AKNA: variants seen among roughly 807,000 people sequenced by gnomAD.
The protein encoded by AKNA is AT-hook transcription factor.
AKNA carries 67 observed loss-of-function variants against 138.8 expected under a neutral mutation model. The observed-to-expected ratio is 0.48, with a 90% CI of 0.40 to 0.59. The LOEUF is 0.59. AKNA is among the 20% of genes least tolerant of loss of function. The pLI is 0.00. For synonymous variants in AKNA, 737 were observed against 754.4 expected (o/e 0.98, Z 0.38); for missense variants, 1,813 against 1,880.4 (o/e 0.96, Z 0.66).
chr9:114,357,931 G>A lies in AKNA; in HGVS notation c.2729C>T (p.Pro910Leu), dbSNP rs1483807851. 6 of 1,597,680 alleles carry A rather than the reference G, an allele frequency of 3.8e-6. No individual in the cohort carries two copies. The highest frequency in any genetic ancestry group is 1.8e-5 in the Admixed American group (1 of 54,524). The change falls in exon 12 of 22, where the codon CCC (proline) becomes CTC (leucine). Residue 910 changes from proline to leucine, a missense_variant. By Grantham distance (98) the Pro-to-Leu change is moderately conservative. Coordinates refer to ENST00000374088, the MANE Select transcript of AKNA (RefSeq NM_001317950.2). ...CATGTGGAGACTTACCTCCAGGTGG[G>A]GCCCACCGCCTCGGTGCAAAGGCTT... Reference protein sequence around the residue: ...PQKPLHRGGGPHLEETWMASP... With the variant: ...PQKPLHRGGGLHLEETWMASP...
chr9:114,366,279 CAAAAAAAA>C (rs35834810), intron 6 of AKNA, among the ~76,000 whole-genome samples: 2 of 127,808 alleles, frequency 1.6e-5, no homozygotes, highest in African/African-American at 6.0e-5. Context: ...GACTCTGTCT[CAAAAAAAA>C]AAAAAAAGAA....
chr9:114,389,715 T>A (rs544484416), upstream of AKNA, among the ~76,000 whole-genome samples: 8 of 152,356 alleles, frequency 5.3e-5, no homozygotes, highest in African/African-American at 1.9e-4. Flanking sequence ...CTCTAAAGGC[T>A]AGATCTTAAT....
intron 4 of AKNA, among the ~76,000 whole-genome samples, chr9:114,373,586 T>A (rs1047437044): frequency 2.6e-5 from 4 of 151,998 alleles, no homozygotes; most frequent in African/African-American, 9.7e-5. Context: ...GAGATTCTCA[T>A]GAAATTCCTG....
chr9:114,347,214 C>CTTTATT (rs1830745452), intron 16 of AKNA, among the ~76,000 whole-genome samples: 1 of 151,872 alleles, frequency 6.6e-6, no homozygotes, highest in Non-Finnish European at 1.5e-5. Context: ...TTGTATTATT[C>CTTTATT]TTTATTATTA....
chr9:114,340,414 C>A (rs528540444), intron 21 of AKNA, among the ~76,000 whole-genome samples: 2 of 152,322 alleles, frequency 1.3e-5, no homozygotes, highest in South Asian at 4.1e-4. Flanking sequence ...GTTGAACCCA[C>A]TTTTACTCCT....
intron 18 of AKNA, 152 bp from the exon 19 acceptor site, chr9:114,343,955 C>A: frequency 3.1e-6 from 2 of 643,302 alleles, no homozygotes; most frequent in Non-Finnish European, 5.5e-6. Context: ...TGCATACACA[C>A]ATCATGTGTA....
intron 21 of AKNA, among the ~76,000 whole-genome samples, chr9:114,341,243 C>A (rs1165573032): frequency 6.6e-6 from 1 of 152,184 alleles, no homozygotes; most frequent in African/African-American, 2.4e-5. Context: ...GATTCTCAGT[C>A]TCCACAAAGT....
At chr9:114,350,725 C>G (rs1831049936) in intron 15 of AKNA, 134 bp downstream of exon 15, 1 of 1,015,438 alleles carries the variant, frequency 9.8e-7, no homozygotes, top group Admixed American at 2.6e-5. Context: ...AGGCAGGACA[C>G]CTGGGTCCGT....
chr9:114,382,124 G>A (rs1237195444), intron 1 of AKNA, among the ~76,000 whole-genome samples: 3 of 152,188 alleles, frequency 2.0e-5, no homozygotes, highest in Non-Finnish European at 4.4e-5. Flanking sequence ...GGAAGCAGAC[G>A]ATCACCAGGC....
rs141074312 is a variant in AKNA at position 114,337,195 on chromosome 9, G to A, written c.4179C>T (p.Gly1393=). The A allele has an allele frequency of 1.6e-4, 248 of 1,597,630 alleles. No individual in the cohort carries two copies. The highest frequency in any genetic ancestry group is 1.0e-3 in the Middle Eastern group (6 of 5,940). Reference sequence around the variant, plus strand: ...GGGCCTTGTTGAGCTCCTCTAGGTCGCCCAGGTCGAGCTGGATGGAGTGCC... The same window carrying A: ...GGGCCTTGTTGAGCTCCTCTAGGTCACCCAGGTCGAGCTGGATGGAGTGCC... The part of the protein sequence containing the change: ...RHRHSIQLDL[G]DLEELNKALS... Residue 1393 remains glycine, a synonymous_variant, in exon 22 of 22, where the codon GGC becomes GGT. Transcript: ENST00000374088.
chr9:114,355,836 A>G, intron 14 of AKNA, 89 bp downstream of exon 14: 1 of 1,320,276 alleles, frequency 7.6e-7, no homozygotes, highest in South Asian at 1.4e-5. Context: ...GAACCTGGCT[A>G]ATATGTCATA....
At chr9:114,353,094 T>C (rs1831246224) in intron 14 of AKNA, among the ~76,000 whole-genome samples, 2 of 152,184 alleles carry the variant, frequency 1.3e-5, no homozygotes, top group Admixed American at 1.3e-4. Context: ...CTCATCAATT[T>C]AAGTTCTTTT....
At chr9:114,362,576 C>T (rs758856260) in intron 7 of AKNA, 43 bp from the exon 8 acceptor site, 6 of 1,594,994 alleles carry the variant, frequency 3.8e-6, no homozygotes, top group Non-Finnish European at 4.3e-6. Context: ...GCTCAGTCCC[C>T]GCGGGGCCTG....
chr9:114,376,280 C>T (rs1380202742), intron 3 of AKNA, 186 bp downstream of exon 3: 3 of 616,190 alleles, frequency 4.9e-6, no homozygotes, highest in Admixed American at 2.2e-5. Context: ...CCACCCTAGC[C>T]AGCCTCCACC....
chr9:114,389,774 GTGAA>G (rs373047347), upstream of AKNA, among the ~76,000 whole-genome samples: 1 of 152,180 alleles, frequency 6.6e-6, no homozygotes, highest in Non-Finnish European at 1.5e-5. Context: ...AATGTGTTCT[GTGAA>G]TGAATGAATG....
At chr9:114,345,777 G>T in intron 18 of AKNA, 86 bp downstream of exon 18, 1 of 1,306,686 alleles carries the variant, frequency 7.7e-7, no homozygotes, top group Non-Finnish European at 1.1e-6. Flanking sequence ...ATGGCCCACT[G>T]GGTATATGGA....
In AKNA at chr9:114,357,902, C is replaced by A. The variant is rs1310828721; in HGVS notation, c.2739+19G>T. On this transcript the variant is annotated intron_variant, in intron 12 of 21. Transcript: ENST00000374088. The stretch of plus-strand genomic sequence containing the variant: ...ATGACCCTGAGGTTCTGGGCCCATT[C>A]CCCCATGTGGAGACTTACCTCCAGG... 6 of 1,593,894 alleles carry A rather than the reference C, an allele frequency of 3.8e-6. No homozygotes were observed. Among genetic ancestry groups the A allele is most frequent in the Non-Finnish European group, 5.1e-6 (6 of 1,174,648 alleles).
At position 114,380,981 on chromosome 9, in the gene AKNA, C is replaced by CAGAAAAAAAAAAAAAAAAAAAAA. The variant is rs1346229782; in HGVS notation, c.274+78_274+79insTTTTTTTTTTTTTTTTTTTTTCT. ...CTGGCAATGAAGCAAGACTCTGTCT[C>CAGAAAAAAAAAAAAAAAAAAAAA]AAAAAAAAAAAAAAAAAAAAGAACG... On this transcript the variant is annotated intron_variant, in intron 2 of 21. Coordinates refer to ENST00000374088, the MANE Select transcript of AKNA (RefSeq NM_001317950.2). 5.9e-5 allele frequency: 65 copies of CAGAAAAAAAAAAAAAAAAAAAAA among 1,110,532 alleles called. 5 individuals are homozygous for CAGAAAAAAAAAAAAAAAAAAAAA. In the African/African-American group the frequency reaches 1.7e-3, roughly 30 times the overall value. 68.8% of individuals were successfully genotyped at this position (1,110,532 alleles called of 1,614,324 possible).
chr9:114,382,483 C>CGAGGTGGGAGGATCACTT (rs1316471808), intron 1 of AKNA, among the ~76,000 whole-genome samples: 1 of 150,512 alleles, frequency 6.6e-6, no homozygotes, highest in African/African-American at 2.5e-5. Flanking sequence ...CTCCAGAGGT[C>CGAGGTGGGAGGATCACTT]GAGGTGGGAG....
Sources: allele counts gnomAD v4.1 joint callset (sites outside exome capture counted in the v4.1 genomes callset), GRCh38; gene constraint gnomAD v4.1.1; transcripts MANE v1.5; gene names NCBI Gene and HGNC (gene_info 2026-07-23, HGNC 2026-07-21).